Variants in NCALD observed in about 807,000 individuals in gnomAD.
The protein encoded by NCALD is neurocalcin delta.
NCALD carries 10 observed loss-of-function variants against 18.6 expected under a neutral mutation model. The ratio of observed to expected loss-of-function variants is 0.54; its 90% CI spans 0.33 to 0.91. The LOEUF (loss-of-function observed/expected upper bound fraction) is 0.91, where lower values mean the gene tolerates loss of function less well. Among genes scored for constraint, NCALD ranks in the 40% least tolerant of loss-of-function variants. NCALD has a pLI of 0.03. For synonymous variants in NCALD, 88 were observed against 87.4 expected, an observed-to-expected ratio of 1.01 and a Z score of -0.04; for missense variants, 184 against 247.6, an observed-to-expected ratio of 0.74 and a Z score of 1.72.
intron 3 of NCALD, among the ~76,000 whole-genome samples, chr8:101,903,614 C>T (rs1315633338): frequency 6.6e-6 from 1 of 152,070 alleles, no homozygotes. Context: ...GAAGAGCTTC[C>T]CTGGGTAGAC....
intron 3 of NCALD, among the ~76,000 whole-genome samples, chr8:101,898,389 T>A (rs57868980): frequency 0.035 from 5,285 of 151,640 alleles, 311 homozygotes; most frequent in African/African-American, 0.12. Flanking sequence ...TTTGTTTTTT[T>A]AAAAAAATGT....
intron 2 of NCALD, among the ~76,000 whole-genome samples, chr8:101,714,976 C>A (rs1348047303): frequency 6.7e-6 from 1 of 148,264 alleles, no homozygotes; most frequent in Non-Finnish European, 1.5e-5. Flanking sequence ...CACAGTCCGG[C>A]CTGGGCGACA....
At chr8:102,018,357 T>C (rs916248498) in intron 2 of NCALD, among the ~76,000 whole-genome samples, 2 of 152,186 alleles carry the variant, frequency 1.3e-5, no homozygotes, top group Non-Finnish European at 2.9e-5. Flanking sequence ...TCTTCATCAT[T>C]TGGGGAATGG....
intron 2 of NCALD, among the ~76,000 whole-genome samples, chr8:101,711,044 C>T (rs1815766381): frequency 6.6e-6 from 1 of 152,150 alleles, no homozygotes; most frequent in Non-Finnish European, 1.5e-5. Context: ...AGGTGCCCCT[C>T]TGGGATAAAA....
At chr8:101,998,558 A>G (rs1821323225) in intron 2 of NCALD, among the ~76,000 whole-genome samples, 3 of 152,174 alleles carry the variant, frequency 2.0e-5, no homozygotes, top group Admixed American at 6.5e-5. Flanking sequence ...CACAATGGGT[A>G]TGTCCCTTCA....
At chr8:102,029,545 G>A (rs564154318) in intron 1 of NCALD, among the ~76,000 whole-genome samples, 1 of 152,308 alleles carries the variant, frequency 6.6e-6, no homozygotes, top group South Asian at 2.1e-4. Context: ...ATTCTTTCTT[G>A]TGGGTGATTC....
chr8:101,925,626 C>T (rs1370153746), intron 2 of NCALD, among the ~76,000 whole-genome samples: 1 of 152,104 alleles, frequency 6.6e-6, no homozygotes, highest in African/African-American at 2.4e-5. Context: ...TATATAACAT[C>T]AAGTGGCAAT....
chr8:101,727,483 A>T (rs1816623945), intron 1 of NCALD, among the ~76,000 whole-genome samples: 1 of 152,166 alleles, frequency 6.6e-6, no homozygotes, highest in Non-Finnish European at 1.5e-5. Context: ...CATTTTTTAG[A>T]GACAGGGTCT....
intron 2 of NCALD, among the ~76,000 whole-genome samples, chr8:101,702,578 T>C (rs1248826409): frequency 6.6e-6 from 1 of 152,204 alleles, no homozygotes. Flanking sequence ...ATCTGTACAC[T>C]GTACTCTCTG....
chr8:102,091,200 G>A (rs1824912874), intron 1 of NCALD, among the ~76,000 whole-genome samples: 1 of 152,214 alleles, frequency 6.6e-6, no homozygotes, highest in Non-Finnish European at 1.5e-5. Context: ...AAGAGCTTAT[G>A]TGAAAAATAA....
intron 4 of NCALD, among the ~76,000 whole-genome samples, chr8:101,881,134 A>G (rs1816479378): frequency 6.6e-6 from 1 of 152,100 alleles, no homozygotes; most frequent in Admixed American, 6.5e-5. Context: ...CTTTCATAAA[A>G]CCACCTAACG....
chr8:101,775,726 T>C (rs1237694111), intron 1 of NCALD, among the ~76,000 whole-genome samples: 1 of 152,202 alleles, frequency 6.6e-6, no homozygotes, highest in Admixed American at 6.5e-5. Context: ...TTATCTTCTC[T>C]GCCTGTGCAA....
At chr8:101,705,211 A>G (rs138523118) in intron 2 of NCALD, among the ~76,000 whole-genome samples, 3,895 of 152,150 alleles carry the variant, frequency 0.026, 136 homozygotes, top group African/African-American at 0.077. Flanking sequence ...GCAGCAGAGC[A>G]AGACTTCATC....
intron 1 of NCALD, among the ~76,000 whole-genome samples, chr8:102,083,885 C>A (rs955291878): frequency 6.6e-6 from 1 of 152,106 alleles, no homozygotes; most frequent in Non-Finnish European, 1.5e-5. Context: ...TACATTGTTA[C>A]GACTATGATT....
chr8:101,858,020 T>C (rs1815389141), intron 4 of NCALD, among the ~76,000 whole-genome samples: 1 of 152,216 alleles, frequency 6.6e-6, no homozygotes, highest in Non-Finnish European at 1.5e-5. Context: ...TTCAGTCTTT[T>C]TGGAGAGCAA....
intron 1 of NCALD, among the ~76,000 whole-genome samples, chr8:102,025,233 T>C (rs1822412859): frequency 6.6e-6 from 1 of 152,230 alleles, no homozygotes; most frequent in African/African-American, 2.4e-5. Flanking sequence ...AGGTTCATTA[T>C]TTGGCTTAAG....
intron 1 of NCALD, among the ~76,000 whole-genome samples, chr8:101,762,829 C>A (rs1291428482): frequency 6.6e-6 from 1 of 152,164 alleles, no homozygotes; most frequent in African/African-American, 2.4e-5. Context: ...GCCTTGGCCT[C>A]CCAAAGTGCT....
chr8:101,728,624 T>G (rs988578524), intron 1 of NCALD, among the ~76,000 whole-genome samples: 1 of 152,086 alleles, frequency 6.6e-6, no homozygotes, highest in Non-Finnish European at 1.5e-5. Flanking sequence ...ATCGAGACCA[T>G]CCTGGCTAAC....
intron 4 of NCALD, among the ~76,000 whole-genome samples, chr8:101,860,483 C>G (rs1422635030): frequency 1.3e-5 from 2 of 152,162 alleles, no homozygotes; most frequent in East Asian, 3.9e-4. Flanking sequence ...ACCACTAGAG[C>G]ACCAGAAATG....
Sources: gnomAD v4.1 joint callset for allele counts (sites outside exome capture counted in the v4.1 genomes callset) on GRCh38, gnomAD v4.1.1 for gene constraint, MANE v1.5 for transcripts, NCBI Gene and HGNC (gene_info 2026-07-23, HGNC 2026-07-21) for gene names.